BZW2: variants seen among roughly 807,000 people sequenced by gnomAD.
The protein encoded by BZW2 is basic leucine zipper and W2 domains 2, also known as eIF5-mimic protein 1.
In BZW2, 23 loss-of-function variants were observed where a neutral mutation model predicts 53.2. The ratio of observed to expected loss-of-function variants is 0.43; its 90% CI spans 0.31 to 0.61. The LOEUF (loss-of-function observed/expected upper bound fraction) is 0.61. BZW2 is among the 20% of genes least tolerant of loss of function. The pLI is 0.09. For synonymous variants in BZW2, 227 were observed against 186.4 expected (o/e 1.22, Z -1.77); for missense variants, 409 against 503.1 (o/e 0.81, Z 1.79).
At position 16,704,536 on chromosome 7, in the gene BZW2, T is replaced by C. The variant is rs911107126; in HGVS notation, c.1109-11T>C. ...TATAGTAACTTTGAAATCTTTGATT[T>C]AAAATTGCAGCTGATGTTCTGAGCG... On this transcript the variant is annotated splice_polypyrimidine_tract_variant and intron_variant, in intron 10 of 11. Transcript: ENST00000258761. The C allele has an allele frequency of 2.0e-6, 3 of 1,511,016 alleles. No individual in the cohort carries two copies. Among genetic ancestry groups the C allele is most frequent in the Admixed American group, 3.5e-5 (2 of 56,562 alleles). The allele number at this position is 1,511,016 out of a possible 1,614,324, so 93.6% of individuals were successfully genotyped here.
chr7:16,674,404 T>C lies in BZW2; in HGVS notation c.59-8T>C. ...ATTTGACTGTTATTTTGAATTGTTT[T>C]ATTTTAGATGAAAAAGAGAAATTCG... On this transcript the variant is annotated splice_region_variant and splice_polypyrimidine_tract_variant and intron_variant, in intron 2 of 11. Coordinates refer to ENST00000258761, the MANE Select transcript of BZW2 (RefSeq NM_014038.3). The C allele has an allele frequency of 1.3e-6, 2 of 1,572,298 alleles. No homozygotes were observed. Among genetic ancestry groups the C allele is most frequent in the Non-Finnish European group, 1.7e-6 (2 of 1,157,754 alleles).
chr7:16,701,652 C>G (rs1224922594), intron 10 of BZW2, among the ~76,000 whole-genome samples: 1 of 151,096 alleles, frequency 6.6e-6, no homozygotes, highest in Non-Finnish European at 1.5e-5. Flanking sequence ...ATTGTCTCTT[C>G]GATCCTCATG....
Position 16,665,451 on chromosome 7 carries a change from A to C in BZW2, c.8A>C (p.Lys3Thr). Residue 3 changes from lysine (K) to threonine (T), a missense_variant, in exon 2 of 12, where the codon AAG becomes ACG. Around this residue, in one of 3 missense-constraint regions of BZW2, gnomAD observed 316 missense variants for 366.8 expected, o/e 0.86. Coordinates refer to ENST00000258761, the MANE Select transcript of BZW2 (RefSeq NM_014038.3). ...TTTGTTTTCAGAAATTTTATGAATA[A>C]GCATCAGAAGCCAGTGCTAACAGGC... MNKHQKPVLTGQR... is the reference protein window; with the variant it reads MNTHQKPVLTGQR... 6.2e-7 allele frequency: 1 copy of C among 1,614,186 alleles called. No homozygotes were observed. The highest frequency in any genetic ancestry group is 1.7e-5 in the Admixed American group (1 of 60,008).
At chr7:16,685,870 CT>C in intron 5 of BZW2, 34 bp from the exon 6 acceptor site, 2 of 1,426,546 alleles carry the variant, frequency 1.4e-6, no homozygotes, top group East Asian at 2.6e-5. Flanking sequence ...TTTTCTTTTT[CT>C]TTTTCTTTTT....
At chr7:16,663,920 C>A (rs142911952) in intron 1 of BZW2, among the ~76,000 whole-genome samples, 178 of 152,066 alleles carry the variant, frequency 1.2e-3, no homozygotes, top group African/African-American at 4.0e-3. Flanking sequence ...GTATTAAATC[C>A]AGTAAAATAG....
At chr7:16,673,524 C>G (rs1325256955) in intron 2 of BZW2, among the ~76,000 whole-genome samples, 4 of 152,038 alleles carry the variant, frequency 2.6e-5, no homozygotes, top group African/African-American at 9.7e-5. Flanking sequence ...ATCCTTCTCA[C>G]TAATTTTTTT....
chr7:16,674,344 G>T, intron 2 of BZW2, 68 bp from the exon 3 acceptor site: 1 of 1,229,306 alleles, frequency 8.1e-7, no homozygotes, highest in Non-Finnish European at 1.1e-6. Flanking sequence ...TAGAATTAAA[G>T]TTTTGATTGT....
chr7:16,661,959 T>C (rs562824525), intron 1 of BZW2, among the ~76,000 whole-genome samples: 4 of 152,272 alleles, frequency 2.6e-5, no homozygotes, highest in African/African-American at 7.2e-5. Flanking sequence ...GAAAATACAT[T>C]GTAGGGCAGT....
At chr7:16,661,497 G>T (rs1782260148) in intron 1 of BZW2, among the ~76,000 whole-genome samples, 2 of 152,096 alleles carry the variant, frequency 1.3e-5, no homozygotes, top group Non-Finnish European at 2.9e-5. Flanking sequence ...ACAGTTAGAA[G>T]ATTAACAGAC....
chr7:16,706,029 G>A (rs774980192), intron 11 of BZW2, 31 bp from the exon 12 acceptor site: 1 of 1,613,282 alleles, frequency 6.2e-7, no homozygotes, highest in Non-Finnish European at 8.5e-7. Context: ...GAATCTGGGA[G>A]GAAATATCTC....
chr7:16,671,638 T>C (rs1301403083), intron 2 of BZW2, among the ~76,000 whole-genome samples: 2 of 152,030 alleles, frequency 1.3e-5, no homozygotes, highest in African/African-American at 4.8e-5. Context: ...CCTTGATTAG[T>C]AGTTTGGCTG....
chr7:16,673,086 A>T (rs1419693499), intron 2 of BZW2, among the ~76,000 whole-genome samples: 1 of 151,920 alleles, frequency 6.6e-6, no homozygotes, highest in East Asian at 1.9e-4. Flanking sequence ...GCTGGGACTA[A>T]CAGGGGCCCG....
chr7:16,705,967 A>G (rs777579897), intron 11 of BZW2, 93 bp from the exon 12 acceptor site: 14 of 1,408,010 alleles, frequency 9.9e-6, no homozygotes, highest in Non-Finnish European at 1.4e-5. Flanking sequence ...ATGCTGGTGC[A>G]ATGGCAGGGT....
chr7:16,691,930 A>G (rs975186042), intron 7 of BZW2, among the ~76,000 whole-genome samples: 5 of 151,880 alleles, frequency 3.3e-5, no homozygotes, highest in South Asian at 2.1e-4. Context: ...GTGTATATAT[A>G]TGGAACATAG....
rs994634433 is a variant in BZW2, at chr7:16,660,401, A to T, written c.-7-5036A>T. On this transcript the variant is annotated intron_variant, in intron 1 of 11. Coordinates refer to ENST00000258761, the MANE Select transcript of BZW2 (RefSeq NM_014038.3). The stretch of plus-strand genomic sequence containing the variant: ...GGTGACAGAGCGAGACTCCATATTT[A>T]AAAAAAAAAAAAAAAAGGTCTTTTT... Among the ~76,000 whole-genome samples, 507 of 71,998 alleles carry T rather than the reference A, an allele frequency of 7.0e-3. 4 individuals carry two copies. The highest frequency in any genetic ancestry group is 0.048 in the South Asian group (96 of 1,998). 47.2% of individuals were successfully genotyped at this position (71,998 alleles called of 152,430 possible). A position where few individuals can be genotyped will look rare whatever the true frequency, so the allele number is the denominator to read the frequency against.
At chr7:16,696,858 G>C (rs1012979366) in intron 8 of BZW2, 57 bp from the exon 9 acceptor site, 7 of 1,567,632 alleles carry the variant, frequency 4.5e-6, no homozygotes, top group Non-Finnish European at 6.1e-6. Context: ...AGCTAGCGGG[G>C]AGATGGGAGC....
intron 2 of BZW2, among the ~76,000 whole-genome samples, chr7:16,669,867 T>A (rs1198738947): frequency 6.6e-6 from 1 of 152,224 alleles, no homozygotes; most frequent in East Asian, 1.9e-4. Flanking sequence ...CAAGGCAGAC[T>A]TGAACTGCCA....
At chr7:16,650,210 G>C (rs1781951709) in intron 1 of BZW2, among the ~76,000 whole-genome samples, 1 of 152,172 alleles carries the variant, frequency 6.6e-6, no homozygotes, top group Admixed American at 6.5e-5. Flanking sequence ...TAAAAGGTTG[G>C]TGGCATTACT....
At chr7:16,674,143 A>G (rs181250724) in intron 2 of BZW2, among the ~76,000 whole-genome samples, 1 of 151,978 alleles carries the variant, frequency 6.6e-6, no homozygotes, top group African/African-American at 2.4e-5. Flanking sequence ...CTGGTGATCC[A>G]CCTGCCTTGG....
Sources: allele counts gnomAD v4.1 joint callset (sites outside exome capture counted in the v4.1 genomes callset), GRCh38; gene constraint gnomAD v4.1.1; regional missense constraint gnomAD v4.1.1; transcripts MANE v1.5; gene names NCBI Gene and HGNC (gene_info 2026-07-23, HGNC 2026-07-21).